Variants in ERC1 observed in about 807,000 individuals in gnomAD.
ERC1 encodes ELKS/RAB6-interacting/CAST family member 1.
In ERC1, 56 loss-of-function variants were observed where a neutral mutation model predicts 132.0. That is an observed-to-expected ratio of 0.42 (90% CI 0.34 to 0.53). ERC1 has a LOEUF of 0.53. Among genes scored for constraint, ERC1 ranks in the 20% least tolerant of loss-of-function variants. The pLI, the probability that ERC1 is intolerant of heterozygous loss-of-function variation, is 0.03. For missense variants in ERC1, 1,202 were observed against 1,349.9 expected (o/e 0.89, Z 1.72); for synonymous variants, 478 against 476.1 (o/e 1.00, Z -0.05).
chr12:1,131,720 T>A (rs564736742), intron 7 of ERC1, among the ~76,000 whole-genome samples: 100 of 152,240 alleles, frequency 6.6e-4, no homozygotes, highest in African/African-American at 2.3e-3. Flanking sequence ...CCCCTTGGCC[T>A]CCCAAAGTGC....
intron 18 of ERC1, among the ~76,000 whole-genome samples, chr12:1,477,176 T>C (rs74701732): frequency 0.015 from 2,238 of 152,248 alleles, 63 homozygotes; most frequent in African/African-American, 0.051. Flanking sequence ...ATGCTAGTTA[T>C]TATACATGTG....
In ERC1 at chr12:1,495,363, C is replaced by T; in HGVS notation, c.*5133C>T. 4.4e-6 allele frequency: 1 copy of T among 228,188 alleles called. No homozygotes were observed. Among genetic ancestry groups the T allele is most frequent in the East Asian group, 6.3e-5 (1 of 15,968 alleles). 14.1% of individuals were successfully genotyped at this position (228,188 alleles called of 1,614,324 possible). A position where few individuals can be genotyped will look rare whatever the true frequency, so the allele number is the denominator to read the frequency against. On this transcript the variant is annotated 3_prime_UTR_variant, in exon 19 of 19. Transcript: ENST00000360905. ...TTTTTTAGACCCTAGATCTCCTAGG[C>T]CCAGGCTCTCTCTTGACCCCAGAGA...
At chr12:1,036,804 A>G (rs1253134658) in intron 2 of ERC1, among the ~76,000 whole-genome samples, 1 of 152,190 alleles carries the variant, frequency 6.6e-6, no homozygotes, top group African/African-American at 2.4e-5. Context: ...TAACAAGGAG[A>G]TGTAGATAAA....
At chr12:1,092,001 C>CTTTTTTTTTTTTTTTTTTT (rs34377863) in intron 3 of ERC1, among the ~76,000 whole-genome samples, 1 of 138,060 alleles carries the variant, frequency 7.2e-6, no homozygotes. Flanking sequence ...TTAATCAATT[C>CTTTTTTTTTTTTTTTTTTT]TTTTTTTTTT....
intron 8 of ERC1, among the ~76,000 whole-genome samples, chr12:1,144,703 C>T (rs1950190932): frequency 6.8e-6 from 1 of 147,934 alleles, no homozygotes; most frequent in Non-Finnish European, 1.5e-5. Flanking sequence ...GATTGGTGGG[C>T]ATTTGGGCTG....
At chr12:1,012,081 T>C (rs187171025) in intron 1 of ERC1, among the ~76,000 whole-genome samples, 5 of 152,344 alleles carry the variant, frequency 3.3e-5, no homozygotes, top group Admixed American at 2.6e-4. Flanking sequence ...ATGAAGTGAG[T>C]ACTAATAAAG....
chr12:1,121,401 A>G (rs1947067247), intron 7 of ERC1, among the ~76,000 whole-genome samples: 1 of 152,222 alleles, frequency 6.6e-6, no homozygotes, highest in Non-Finnish European at 1.5e-5. Flanking sequence ...TAGGTTGAGG[A>G]CTAGCCACAA....
rs1227247571 is a variant in ERC1 at position 1,103,422 on chromosome 12, G to T, written c.1087-1328G>T. Among the ~76,000 whole-genome samples, 21 of 152,324 alleles carry T rather than the reference G, an allele frequency of 1.4e-4. 1 individual carries two copies. In the South Asian group the frequency reaches 2.1e-3, roughly 15 times the overall value. On this transcript the variant is annotated intron_variant, in intron 3 of 18. Transcript: ENST00000360905. ...AGAGGACTGACAAGGACAACTTTAT[G>T]TTTACAAGGGTCACTTGAAGTGCTC...
intron 1 of ERC1, among the ~76,000 whole-genome samples, chr12:1,004,315 C>A (rs187661351): frequency 6.6e-6 from 1 of 152,042 alleles, no homozygotes; most frequent in East Asian, 1.9e-4. Context: ...ATGCTTCCCC[C>A]CCTTTCAACC....
At chr12:1,093,153 G>A (rs188448749) in intron 3 of ERC1, among the ~76,000 whole-genome samples, 1,584 of 144,348 alleles carry the variant, frequency 0.011, 7 homozygotes, top group Non-Finnish European at 0.015. Flanking sequence ...TTAGTTTTAC[G>A]TTTTCTTTAT....
chr12:1,450,908 G>A (rs1166772138), intron 18 of ERC1, among the ~76,000 whole-genome samples: 2 of 152,192 alleles, frequency 1.3e-5, no homozygotes, highest in African/African-American at 4.8e-5. Context: ...AATGATTCAT[G>A]ATGTTGAGCA....
chr12:1,277,461 T>G (rs868517781), intron 14 of ERC1, among the ~76,000 whole-genome samples: 1 of 152,256 alleles, frequency 6.6e-6, no homozygotes, highest in Admixed American at 6.5e-5. Flanking sequence ...TTATTAAGAC[T>G]GATTCATTTC....
chr12:1,146,308 G>T (rs111834756), intron 8 of ERC1, among the ~76,000 whole-genome samples: 382 of 31,818 alleles, frequency 0.012, 11 homozygotes, highest in Non-Finnish European at 0.018. Context: ...TATTTTACTG[G>T]TTTTTTTTTT....
At chr12:1,316,579 T>C (rs1220760298) in intron 15 of ERC1, among the ~76,000 whole-genome samples, 1 of 152,204 alleles carries the variant, frequency 6.6e-6, no homozygotes, top group African/African-American at 2.4e-5. Context: ...TCAAAATTGC[T>C]GTTGTTAATG....
chr12:1,412,915 C>T (rs1345913776), intron 17 of ERC1, among the ~76,000 whole-genome samples: 4 of 152,214 alleles, frequency 2.6e-5, no homozygotes, highest in African/African-American at 9.7e-5. Context: ...TTACTAACAT[C>T]ATCGTCTAAT....
intron 14 of ERC1, among the ~76,000 whole-genome samples, chr12:1,276,907 G>T (rs986186533): frequency 1.3e-5 from 2 of 152,014 alleles, no homozygotes; most frequent in Non-Finnish European, 2.9e-5. Context: ...TGTTTTCTTT[G>T]TTGCAATTGC....
intron 12 of ERC1, among the ~76,000 whole-genome samples, 173 bp from the exon 13 acceptor site, chr12:1,236,596 G>A (rs998443836): frequency 6.6e-6 from 1 of 152,080 alleles, no homozygotes; most frequent in African/African-American, 2.4e-5. Context: ...TTTTGTAAAC[G>A]AATGTGCTAC....
At chr12:1,310,746 G>A (rs999655922) in intron 15 of ERC1, among the ~76,000 whole-genome samples, 4 of 152,208 alleles carry the variant, frequency 2.6e-5, no homozygotes, top group Non-Finnish European at 4.4e-5. Context: ...AGTAGTAAAC[G>A]GGAGTCAAAA....
intron 2 of ERC1, among the ~76,000 whole-genome samples, chr12:1,054,575 T>G (rs939164916): frequency 6.6e-6 from 1 of 152,086 alleles, no homozygotes; most frequent in African/African-American, 2.4e-5. Context: ...GTTTTTCTCC[T>G]GGCATGTCAC....
Sources: allele counts gnomAD v4.1 joint callset (sites outside exome capture counted in the v4.1 genomes callset), GRCh38; gene constraint gnomAD v4.1.1; transcripts MANE v1.5; gene names NCBI Gene and HGNC (gene_info 2026-07-23, HGNC 2026-07-21).